Variants in XPR1 observed in about 807,000 individuals in gnomAD.
The protein encoded by XPR1 is xenotropic and polytropic retrovirus receptor 1, also known as solute carrier family 53 member 1.
XPR1 carries 28 observed loss-of-function variants against 87.5 expected under a neutral mutation model. The ratio of observed to expected loss-of-function variants is 0.32; its 90% CI spans 0.24 to 0.44. XPR1 has a LOEUF of 0.44. Ranked by LOEUF, XPR1 falls within the 20% of genes least tolerant of loss-of-function variation. The pLI, the probability that XPR1 is intolerant of heterozygous loss-of-function variation, is 1.00. For missense variants in XPR1, 559 were observed against 862.3 expected (o/e 0.65, Z 4.41); for synonymous variants, 300 against 306.1 (o/e 0.98, Z 0.21).
At chr1:180,812,029 T>G (rs1472798695) in intron 7 of XPR1, among the ~76,000 whole-genome samples, 8 of 152,186 alleles carry the variant, frequency 5.3e-5, no homozygotes, top group Non-Finnish European at 1.2e-4. Flanking sequence ...AAAAATGATA[T>G]AACAGCAAAG....
chr1:180,775,084 A>C (rs1386157678), intron 2 of XPR1, among the ~76,000 whole-genome samples: 2 of 152,150 alleles, frequency 1.3e-5, no homozygotes, highest in Non-Finnish European at 2.9e-5. Flanking sequence ...CCCACCTCTA[A>C]ATACTATGGC....
At chr1:180,865,349 TTTTA>T (rs1462386555) in intron 12 of XPR1, among the ~76,000 whole-genome samples, 1 of 152,050 alleles carries the variant, frequency 6.6e-6, no homozygotes, top group Non-Finnish European at 1.5e-5. Context: ...AATATGTGTG[TTTTA>T]TTTCTGTTTA....
intron 3 of XPR1, among the ~76,000 whole-genome samples, chr1:180,803,070 A>T (rs537478780): frequency 6.6e-6 from 1 of 152,322 alleles, no homozygotes; most frequent in Non-Finnish European, 1.5e-5. Flanking sequence ...TTGCTGAATC[A>T]TATGTTTAAC....
At chr1:180,804,502 A>AT (rs1440062947) in intron 4 of XPR1, among the ~76,000 whole-genome samples, 4 of 151,904 alleles carry the variant, frequency 2.6e-5, no homozygotes, top group Non-Finnish European at 5.9e-5. Flanking sequence ...CTTATGCACT[A>AT]TTTTTTTTCT....
chr1:180,762,129 G>A (rs199795304), intron 2 of XPR1, among the ~76,000 whole-genome samples: 225 of 133,068 alleles, frequency 1.7e-3, no homozygotes, highest in Middle Eastern at 0.012. Flanking sequence ...TGTGGGGTCG[G>A]GGGAGGGGGG....
In XPR1 at chr1:180,697,019, T is replaced by C. The variant is rs556762830; in HGVS notation, c.121+14608T>C. Among the ~76,000 whole-genome samples the C allele has an allele frequency of 8.9e-4, 136 of 152,296 alleles. 1 individual carries two copies. The highest frequency in any genetic ancestry group is 2.1e-3 in the Admixed American group (32 of 15,282). On this transcript the variant is annotated intron_variant, in intron 2 of 14. Coordinates refer to ENST00000367590, the MANE Select transcript of XPR1 (RefSeq NM_004736.4). ...GTAGAATGAGTTAGGAAGAGTTTTC[T>C]CCTCTCCAGTTTTTTGGAATAGCTT... is the stretch of plus-strand genomic sequence containing the variant.
At chr1:180,792,724 G>A (rs1649431214) in intron 3 of XPR1, among the ~76,000 whole-genome samples, 1 of 152,040 alleles carries the variant, frequency 6.6e-6, no homozygotes, top group Non-Finnish European at 1.5e-5. Context: ...GTTCTCTTCT[G>A]TCACTAAAAA....
chr1:180,794,533 A>G (rs774117188), intron 3 of XPR1, among the ~76,000 whole-genome samples: 1 of 152,240 alleles, frequency 6.6e-6, no homozygotes, highest in Non-Finnish European at 1.5e-5. Flanking sequence ...GTGCAATATG[A>G]CATTTAGTAT....
intron 2 of XPR1, among the ~76,000 whole-genome samples, chr1:180,734,384 AC>A (rs1338249283): frequency 6.6e-6 from 1 of 152,210 alleles, no homozygotes; most frequent in Admixed American, 6.5e-5. Context: ...TTGTGGGAAA[AC>A]AGGAATTAGT....
intron 9 of XPR1, among the ~76,000 whole-genome samples, chr1:180,831,955 C>T (rs955366964): frequency 2.0e-5 from 3 of 152,148 alleles, no homozygotes; most frequent in African/African-American, 7.2e-5. Flanking sequence ...GGTTCTAGAT[C>T]CTTGAGGAAT....
intron 11 of XPR1, among the ~76,000 whole-genome samples, chr1:180,858,514 A>C (rs1259500196): frequency 6.6e-6 from 1 of 152,228 alleles, no homozygotes; most frequent in Non-Finnish European, 1.5e-5. Flanking sequence ...AGATGGACTT[A>C]GAGAAGCAAT....
intron 2 of XPR1, among the ~76,000 whole-genome samples, chr1:180,685,324 C>T (rs1257650153): frequency 1.3e-5 from 2 of 152,180 alleles, no homozygotes; most frequent in East Asian, 1.9e-4. Flanking sequence ...CCTTGCATCC[C>T]AGGGTTGAAG....
intron 9 of XPR1, 37 bp downstream of exon 9, chr1:180,825,381 C>G (rs1650791479): frequency 6.3e-7 from 1 of 1,576,376 alleles, no homozygotes; most frequent in South Asian, 1.2e-5. Context: ...TTTAGAGTGG[C>G]ATATTGGTTA....
intron 11 of XPR1, among the ~76,000 whole-genome samples, chr1:180,842,421 G>A (rs566883327): frequency 1.3e-5 from 2 of 152,232 alleles, no homozygotes; most frequent in South Asian, 4.2e-4. Context: ...GGGAAATTAA[G>A]GATGATAATA....
intron 2 of XPR1, among the ~76,000 whole-genome samples, chr1:180,777,460 G>A (rs1186699607): frequency 6.6e-6 from 1 of 152,168 alleles, no homozygotes; most frequent in Non-Finnish European, 1.5e-5. Context: ...AGACTGTAAT[G>A]TCAAAGGGCA....
chr1:180,746,596 A>G (rs552961166), intron 2 of XPR1, among the ~76,000 whole-genome samples: 9 of 151,810 alleles, frequency 5.9e-5, no homozygotes, highest in Admixed American at 2.0e-4. Flanking sequence ...TTTTTTTTTG[A>G]TATAATGACT....
chr1:180,666,327 A>G (rs953659297), intron 1 of XPR1, among the ~76,000 whole-genome samples: 2 of 152,154 alleles, frequency 1.3e-5, no homozygotes, highest in East Asian at 3.8e-4. Context: ...TGCAAGAAAG[A>G]TGTTTAGGAT....
intron 2 of XPR1, among the ~76,000 whole-genome samples, chr1:180,713,798 C>G (rs1049125967): frequency 6.6e-6 from 1 of 151,966 alleles, no homozygotes; most frequent in Admixed American, 6.6e-5. Context: ...ATTTTTACAT[C>G]TGTATTTATA....
chr1:180,811,351 T>C (rs1426431466), intron 6 of XPR1, 56 bp from the exon 7 acceptor site: 20 of 1,340,424 alleles, frequency 1.5e-5, no homozygotes, highest in Non-Finnish European at 2.1e-5. Flanking sequence ...TTACAGCATA[T>C]AGTAAATACA....
Sources: allele counts gnomAD v4.1 joint callset (sites outside exome capture counted in the v4.1 genomes callset), GRCh38; gene constraint gnomAD v4.1.1; transcripts MANE v1.5; gene names NCBI Gene and HGNC (gene_info 2026-07-23, HGNC 2026-07-21).